Variants in CCDC186 observed in about 807,000 individuals in gnomAD.
CCDC186 encodes coiled-coil domain-containing protein 186.
Under a neutral mutation model 113.7 loss-of-function variants are expected in CCDC186, and 49 were observed. The observed-to-expected ratio is 0.43, with a 90% CI of 0.34 to 0.55. The LOEUF is 0.55. Among genes scored for constraint, CCDC186 ranks in the 20% least tolerant of loss-of-function variants. The probability of loss-of-function intolerance (pLI) is 0.02; values close to 1 mark genes in which losing one functional copy is unlikely to be tolerated. For missense variants in CCDC186, 890 were observed against 1,011.1 expected, an observed-to-expected ratio of 0.88 and a Z score of 1.62; for synonymous variants, 355 against 345.8, an observed-to-expected ratio of 1.03 and a Z score of -0.30.
At chr10:114,135,088 T>G (rs1238709809) in intron 9 of CCDC186, 33 bp from the exon 10 acceptor site, 2 of 1,574,254 alleles carry the variant, frequency 1.3e-6, no homozygotes, top group Admixed American at 3.9e-5. Context: ...TTACAAACCA[T>G]GTATTCTTGT....
chr10:114,146,214 G>A (rs890477006), intron 4 of CCDC186, among the ~76,000 whole-genome samples: 3 of 152,170 alleles, frequency 2.0e-5, no homozygotes, highest in Admixed American at 6.5e-5. Context: ...CCACAGGTTG[G>A]CTGATGGCCA....
chr10:114,143,678 A>G (rs1370875197), intron 6 of CCDC186, among the ~76,000 whole-genome samples: 1 of 152,206 alleles, frequency 6.6e-6, no homozygotes, highest in East Asian at 1.9e-4. Context: ...ATATCAGAGA[A>G]TACAATATAA....
At chr10:114,173,354 T>C (rs1489015992) in intron 1 of CCDC186, 1 of 320,648 alleles carries the variant, frequency 3.1e-6, no homozygotes, top group East Asian at 7.9e-5. Flanking sequence ...TTCCCAAGAT[T>C]GCTACTTAGG....
Position 114,145,552 on chromosome 10 carries a change from A to C in CCDC186, c.1098T>G (p.Thr366=). ...EKGRLHQLYE[T]KEGETTRLIR... is the part of the protein sequence containing the mutation. ...TTTCAAATGGCACAAGTTATACCTT[A>C]GTTTCATACAGCTGGTGCAACCGTC... Residue 366 remains threonine (T), a synonymous_variant, in exon 5 of 16, where the codon ACT becomes ACG. Coordinates refer to ENST00000369287, the MANE Select transcript of CCDC186 (RefSeq NM_018017.4). 1 of 1,600,468 alleles carries C rather than the reference A, an allele frequency of 6.2e-7. No homozygotes were observed.
At position 114,125,078 on chromosome 10, in the gene CCDC186, C is replaced by T. The variant is rs2030845636; in HGVS notation, c.*65G>A. 10 of 1,170,756 alleles carry T rather than the reference C, an allele frequency of 8.5e-6. No homozygotes were observed. Among genetic ancestry groups the T allele is most frequent in the Non-Finnish European group, 9.8e-6 (8 of 817,300 alleles). The allele number at this position is 1,170,756 out of a possible 1,614,324, so 72.5% of individuals were successfully genotyped here. On this transcript the variant is annotated 3_prime_UTR_variant, in exon 16 of 16. Transcript: ENST00000369287. The stretch of plus-strand genomic sequence containing the variant: ...ACAAAAAGTGGAACAAAGTCTCCAA[C>T]AATAGAGGTCAGTGGCACCTACTCC...
intron 4 of CCDC186, among the ~76,000 whole-genome samples, chr10:114,150,395 A>G (rs537187070): frequency 6.6e-6 from 1 of 152,320 alleles, no homozygotes; most frequent in Admixed American, 6.5e-5. Flanking sequence ...GGTTACAAAA[A>G]AGATGTATAG....
At chr10:114,157,740 G>A in intron 2 of CCDC186, 60 bp from the exon 3 acceptor site, 1 of 1,319,922 alleles carries the variant, frequency 7.6e-7, no homozygotes, top group Non-Finnish European at 1.0e-6. Context: ...AAAATAATAT[G>A]TGGAATATAA....
intron 3 of CCDC186, among the ~76,000 whole-genome samples, chr10:114,153,021 G>A (rs2031901407): frequency 1.3e-5 from 2 of 152,198 alleles, no homozygotes; most frequent in Admixed American, 1.3e-4. Flanking sequence ...GTCAACAATA[G>A]TTGGAGACTT....
At chr10:114,167,028 T>G (rs568081671) in intron 1 of CCDC186, among the ~76,000 whole-genome samples, 127 of 151,592 alleles carry the variant, frequency 8.4e-4, no homozygotes, top group Non-Finnish European at 1.1e-3. Context: ...TTTTTTTTTT[T>G]TTTTTTTTTT....
At chr10:114,164,781 T>C (rs1564919318) in intron 1 of CCDC186, among the ~76,000 whole-genome samples, 2 of 152,146 alleles carry the variant, frequency 1.3e-5, no homozygotes, top group Non-Finnish European at 2.9e-5. Context: ...AAAACATGCA[T>C]GGTTACATCA....
At chr10:114,145,448 G>T in intron 5 of CCDC186, 101 bp downstream of exon 5, 1 of 1,078,466 alleles carries the variant, frequency 9.3e-7, no homozygotes, top group Non-Finnish European at 1.3e-6. Flanking sequence ...TTACGTTTGA[G>T]TGTTAACCAT....
chr10:114,167,168 G>A (rs961027393), intron 1 of CCDC186, among the ~76,000 whole-genome samples: 29 of 151,794 alleles, frequency 1.9e-4, no homozygotes, highest in Admixed American at 1.6e-3. Context: ...TTACAGGCAC[G>A]AGCCACCATG....
intron 1 of CCDC186, chr10:114,168,308 C>T (rs2032392984): frequency 6.6e-6 from 1 of 152,142 alleles, no homozygotes; most frequent in African/African-American, 2.4e-5. Flanking sequence ...CCATTACCCA[C>T]TCTGGAACTT....
intron 10 of CCDC186, among the ~76,000 whole-genome samples, chr10:114,133,534 T>C (rs1419351758): frequency 6.6e-6 from 1 of 152,030 alleles, no homozygotes; most frequent in Non-Finnish European, 1.5e-5. Flanking sequence ...TACAATAAAA[T>C]TAGAACAAGA....
chr10:114,133,238 G>A (rs1013026151), intron 10 of CCDC186, among the ~76,000 whole-genome samples: 1 of 152,138 alleles, frequency 6.6e-6, no homozygotes, highest in African/African-American at 2.4e-5. Context: ...AGATGTTACA[G>A]ACTTAGCATC....
At chr10:114,169,114 G>C (rs2032414411) in intron 1 of CCDC186, among the ~76,000 whole-genome samples, 1 of 151,922 alleles carries the variant, frequency 6.6e-6, no homozygotes, top group Non-Finnish European at 1.5e-5. Flanking sequence ...TTAACTTTAA[G>C]GTTTGCCAGG....
chr10:114,136,170 T>C lies in CCDC186; in HGVS notation c.1403A>G (p.Gln468Arg). 1 of 1,613,142 alleles carries C rather than the reference T, an allele frequency of 6.2e-7. No homozygotes were observed. The highest frequency in any genetic ancestry group is 8.5e-7 in the Non-Finnish European group (1 of 1,179,700). The change falls in exon 8 of 16, where the codon CAA becomes CGA. Residue 468 changes from glutamine to arginine, a missense_variant. Physicochemically the swap from Gln to Arg is conservative, Grantham distance 43 (BLOSUM62 1). Transcript: ENST00000369287. ...CACCTCTAGCTGGTCAGATTTTTCTTGCATTTGTTTTTCAAGTTCTCCTTT... is the reference window on the plus strand; with the variant it reads ...CACCTCTAGCTGGTCAGATTTTTCTCGCATTTGTTTTTCAAGTTCTCCTTT... ...VTKGELEKQM[Q>R]EKSDQLEMHH...
chr10:114,163,702 C>G (rs1165967029), intron 1 of CCDC186, among the ~76,000 whole-genome samples: 1 of 152,124 alleles, frequency 6.6e-6, no homozygotes, highest in Non-Finnish European at 1.5e-5. Context: ...GAAAAAAAGA[C>G]TACCTCATAA....
At chr10:114,144,355 C>T in intron 6 of CCDC186, 142 bp downstream of exon 6, 4 of 956,380 alleles carry the variant, frequency 4.2e-6, no homozygotes, top group Non-Finnish European at 5.9e-6. Context: ...AAGCTTCATG[C>T]CTCATTAACT....
Sources: allele counts gnomAD v4.1 joint callset (sites outside exome capture counted in the v4.1 genomes callset), GRCh38; gene constraint gnomAD v4.1.1; transcripts MANE v1.5; gene names NCBI Gene and HGNC (gene_info 2026-07-23, HGNC 2026-07-21).